FAM193A: variants seen among roughly 807,000 people sequenced by gnomAD.
The protein encoded by FAM193A is family with sequence similarity 193 member A.
Under a neutral mutation model 126.5 loss-of-function variants are expected in FAM193A, and 22 were observed. That is an observed-to-expected ratio of 0.17 (90% confidence interval 0.12 to 0.25). FAM193A has a LOEUF of 0.25. Ranked by LOEUF, FAM193A falls within the 10% of genes least tolerant of loss-of-function variation. The pLI is 1.00. For synonymous variants in FAM193A, 761 were observed against 646.8 expected (o/e 1.18, Z -2.68); for missense variants, 1,675 against 1,672.8 (o/e 1.00, Z -0.02).
intron 1 of FAM193A, among the ~76,000 whole-genome samples, chr4:2,587,554 T>G (rs1167729695): frequency 3.3e-5 from 5 of 151,348 alleles, no homozygotes; most frequent in African/African-American, 1.2e-4. Context: ...TAGTTGGGCA[T>G]GGTGGTGCAT....
chr4:2,553,008 C>T (rs577763419), intron 1 of FAM193A, among the ~76,000 whole-genome samples: 48 of 151,710 alleles, frequency 3.2e-4, no homozygotes, highest in South Asian at 1.7e-3. Flanking sequence ...CCACCATGCT[C>T]AGTTAATTTT....
intron 2 of FAM193A, among the ~76,000 whole-genome samples, chr4:2,602,653 C>T (rs904555775): frequency 6.6e-6 from 1 of 151,592 alleles, no homozygotes; most frequent in African/African-American, 2.4e-5. Context: ...CCATGTTTTT[C>T]GTTTTGATGT....
chr4:2,576,538 C>A (rs1739600198), intron 1 of FAM193A, among the ~76,000 whole-genome samples: 1 of 152,192 alleles, frequency 6.6e-6, no homozygotes, highest in South Asian at 2.1e-4. Context: ...ATAGCCACTG[C>A]ACCCCAGTCT....
intron 19 of FAM193A, among the ~76,000 whole-genome samples, chr4:2,706,291 CTTTTTT>C (rs59143784): frequency 1.2e-4 from 13 of 108,586 alleles, no homozygotes; most frequent in African/African-American, 3.6e-4. Flanking sequence ...TTCTTTCTTT[CTTTTTT>C]TTTTTTTTTT....
At position 2,653,600 on chromosome 4, in the gene FAM193A, C is replaced by T. The variant is rs181493517; in HGVS notation, c.1312-4203C>T. ...TAGGGACTACAGGCGCCCGCCACCA[C>T]GCCCGGCTAATTTTTGTATTTGTAG... On this transcript the variant is annotated intron_variant, in intron 7 of 20. Coordinates refer to ENST00000637812, the MANE Select transcript of FAM193A (RefSeq NM_001366318.2). Among the ~76,000 whole-genome samples the T allele has an allele frequency of 7.5e-4, 114 of 152,198 alleles. 3 individuals are homozygous for T. In the East Asian group the frequency reaches 0.018, roughly 24 times the overall value.
intron 12 of FAM193A, among the ~76,000 whole-genome samples, chr4:2,664,324 G>A (rs1045801757): frequency 2.0e-5 from 3 of 151,936 alleles, no homozygotes; most frequent in Non-Finnish European, 2.9e-5. Context: ...GTTTCAGTAC[G>A]GTTTGTCAGA....
chr4:2,659,150 T>A (rs1484169791), intron 8 of FAM193A, among the ~76,000 whole-genome samples: 1 of 152,146 alleles, frequency 6.6e-6, no homozygotes, highest in Non-Finnish European at 1.5e-5. Context: ...TCACCTTGTC[T>A]GTTAGAAGTT....
intron 7 of FAM193A, chr4:2,655,242 TAAAAC>T (rs1315967432): frequency 6.2e-6 from 3 of 481,954 alleles, no homozygotes; most frequent in African/African-American, 3.8e-5. Context: ...ATTTAAAAAA[TAAAAC>T]AGGAAGATGT....
chr4:2,703,006 T>C (rs1000258356), intron 19 of FAM193A, among the ~76,000 whole-genome samples: 4 of 152,178 alleles, frequency 2.6e-5, no homozygotes, highest in African/African-American at 9.7e-5. Context: ...TCCCTGTAGG[T>C]AACTAATCAG....
rs1577083416 is a variant in FAM193A, at chr4:2,620,064, G to A, written c.502-5198G>A. On this transcript the variant is annotated intron_variant, in intron 2 of 20. Transcript: ENST00000637812. The stretch of plus-strand genomic sequence containing the variant: ...TTGTCCTGCTTTTGGTTTCGTTACT[G>A]GATGCTGGACATTGTGAATTTTACA... Among the ~76,000 whole-genome samples the A allele has an allele frequency of 2.0e-5, 3 of 152,196 alleles. No homozygotes were observed. The East Asian group carries it at 5.8e-4, about 29-fold the overall frequency.
At chr4:2,672,070 A>G (rs568749555) in intron 12 of FAM193A, 51 bp from the exon 13 acceptor site, 3 of 1,592,680 alleles carry the variant, frequency 1.9e-6, no homozygotes, top group East Asian at 2.2e-5. Context: ...ACTTTAATTC[A>G]TACCATTTAT....
intron 12 of FAM193A, among the ~76,000 whole-genome samples, chr4:2,669,348 G>A (rs924180496): frequency 1.6e-4 from 25 of 152,108 alleles, no homozygotes; most frequent in Admixed American, 2.6e-4. Context: ...GCATGGGGGT[G>A]TCTCACGCCC....
chr4:2,612,421 C>T (rs1267161296), intron 2 of FAM193A, among the ~76,000 whole-genome samples: 4 of 151,996 alleles, frequency 2.6e-5, no homozygotes, highest in African/African-American at 9.7e-5. Context: ...ATCACTTGAA[C>T]CCAGGAGGTG....
chr4:2,708,347 A>G (rs955443191), intron 19 of FAM193A: 4 of 230,568 alleles, frequency 1.7e-5, no homozygotes, highest in East Asian at 1.7e-4. Flanking sequence ...TTGGTCTACA[A>G]CTCCTGACCT....
chr4:2,548,257 G>A (rs1737692613), intron 1 of FAM193A, among the ~76,000 whole-genome samples: 1 of 151,534 alleles, frequency 6.6e-6, no homozygotes, highest in Non-Finnish European at 1.5e-5. Context: ...TTTTAGTAGA[G>A]ATGGGGCTTC....
chr4:2,589,026 G>A (rs1475626930), intron 1 of FAM193A, among the ~76,000 whole-genome samples: 1 of 152,196 alleles, frequency 6.6e-6, no homozygotes, highest in Non-Finnish European at 1.5e-5. Flanking sequence ...TATTTGTGCT[G>A]TCCCATGACA....
chr4:2,573,471 C>G (rs1268761585), intron 1 of FAM193A, among the ~76,000 whole-genome samples: 1 of 151,336 alleles, frequency 6.6e-6, no homozygotes, highest in African/African-American at 2.4e-5. Context: ...TGAGATCGTG[C>G]CACTGCATTC....
At chr4:2,580,416 A>T (rs1488752732) in intron 1 of FAM193A, among the ~76,000 whole-genome samples, 1 of 152,232 alleles carries the variant, frequency 6.6e-6, no homozygotes, top group Non-Finnish European at 1.5e-5. Context: ...AATAATCGGT[A>T]CAACAAACGC....
chr4:2,683,606 T>C (rs1329671861), intron 13 of FAM193A, among the ~76,000 whole-genome samples: 1 of 152,262 alleles, frequency 6.6e-6, no homozygotes, highest in Non-Finnish European at 1.5e-5. Context: ...ATTTTCTCTT[T>C]TTCTTTGGTA....
Sources: allele counts gnomAD v4.1 joint callset (sites outside exome capture counted in the v4.1 genomes callset), GRCh38; gene constraint gnomAD v4.1.1; transcripts MANE v1.5; gene names NCBI Gene and HGNC (gene_info 2026-07-23, HGNC 2026-07-21).